The following INSR variants were observed in gnomAD, a reference collection of about 807,000 sequenced individuals.
INSR encodes the protein IR.
INSR carries 67 observed loss-of-function variants against 142.6 expected under a neutral mutation model. The ratio of observed to expected loss-of-function variants is 0.47; its 90% CI spans 0.39 to 0.58. The LOEUF (loss-of-function observed/expected upper bound fraction) is 0.58, where lower values mean the gene tolerates loss of function less well. Among genes scored for constraint, INSR ranks in the 20% least tolerant of loss-of-function variants. The probability of loss-of-function intolerance (pLI) is 0.00; values close to 1 mark genes in which losing one functional copy is unlikely to be tolerated. For missense variants in INSR, 1,248 were observed against 1,833.2 expected (o/e 0.68, Z 5.83); for synonymous variants, 756 against 743.1 (o/e 1.02, Z -0.28).
chr19:7,117,775 T>G (rs1036251377), intron 21 of INSR, among the ~76,000 whole-genome samples: 1 of 151,762 alleles, frequency 6.6e-6, no homozygotes, highest in African/African-American at 2.4e-5. Flanking sequence ...CCTAGCTAAT[T>G]TTTGTATTTT....
At chr19:7,149,751 G>A (rs970943644) in intron 11 of INSR, among the ~76,000 whole-genome samples, 5 of 151,912 alleles carry the variant, frequency 3.3e-5, no homozygotes, top group Non-Finnish European at 7.4e-5. Context: ...GAACCCGGGA[G>A]GTGGAGGTTG....
intron 3 of INSR, among the ~76,000 whole-genome samples, chr19:7,183,669 G>A (rs1974334291): frequency 6.6e-6 from 1 of 152,078 alleles, no homozygotes; most frequent in Admixed American, 6.6e-5. Context: ...CATCAGTGAG[G>A]ACAGGCCACG....
chr19:7,288,997 C>A (rs186622294), intron 1 of INSR, among the ~76,000 whole-genome samples: 21 of 142,856 alleles, frequency 1.5e-4, no homozygotes, highest in African/African-American at 4.7e-4. Flanking sequence ...TTAAAGGAAA[C>A]ACTGACCCTC....
chr19:7,264,005 A>G (rs2145202356), intron 2 of INSR, among the ~76,000 whole-genome samples: 1 of 152,268 alleles, frequency 6.6e-6, no homozygotes, highest in South Asian at 2.1e-4. Flanking sequence ...TCCCATCTCT[A>G]CTAAAAATAC....
intron 2 of INSR, among the ~76,000 whole-genome samples, chr19:7,205,118 G>T (rs895502904): frequency 6.6e-6 from 1 of 152,176 alleles, no homozygotes; most frequent in Non-Finnish European, 1.5e-5. Context: ...AACACCTCCT[G>T]TTGCTTGTCC....
chr19:7,163,948 A>AAAAAAACAAAAT (rs1411048837), intron 8 of INSR, among the ~76,000 whole-genome samples: 1 of 136,032 alleles, frequency 7.4e-6, no homozygotes, highest in Non-Finnish European at 1.5e-5. Flanking sequence ...AAAAAAAAAA[A>AAAAAAACAAAAT]ATTAGCTGGA....
At position 7,126,548 on chromosome 19, in the gene INSR, G is replaced by A. The variant is rs754995439; in HGVS notation, c.3013+36C>T. 9.2e-6 allele frequency: 14 copies of A among 1,525,426 alleles called. No individual in the cohort carries two copies. The South Asian group carries it at 1.4e-4, about 16-fold the overall frequency. The allele number at this position is 1,525,426 out of a possible 1,614,324, so 94.5% of individuals were successfully genotyped here. The stretch of plus-strand genomic sequence containing the variant: ...GAAGGCAAAGGAAGCTGATGAGTAG[G>A]GTTCTGGCCACCCACAGGGAAGGGA... On this transcript the variant is annotated intron_variant, in intron 16 of 21. Transcript: ENST00000302850.
chr19:7,161,405 G>A (rs546455243), intron 9 of INSR, among the ~76,000 whole-genome samples: 2 of 151,940 alleles, frequency 1.3e-5, no homozygotes, highest in East Asian at 1.9e-4. Flanking sequence ...GACTACAGGT[G>A]TACACCACCA....
In INSR at chr19:7,143,003, C is replaced by T. The variant is rs148137322; in HGVS notation, c.2355G>A (p.Ser785=). The part of the protein sequence containing the change: ...PTVAAFPNTS[S]TSVPTSPEEH... ...CCTCCGGACTCGTGGGCACGCTGGT[C>T]GAGGAAGTGTTGGGGAAAGCTGCCA... Residue 785 remains serine (S), a synonymous_variant, in exon 12 of 22, where the codon TCG becomes TCA. Coordinates refer to ENST00000302850, the MANE Select transcript of INSR (RefSeq NM_000208.4). 5.2e-4 allele frequency: 840 copies of T among 1,614,182 alleles called. 4 individuals carry two copies. In the African/African-American group the frequency reaches 8.5e-3, roughly 16 times the overall value.
intron 2 of INSR, among the ~76,000 whole-genome samples, chr19:7,241,440 T>A (rs766925493): frequency 4.1e-4 from 62 of 152,032 alleles, no homozygotes; most frequent in Non-Finnish European, 8.5e-4. Context: ...CCTGCCAACA[T>A]GGTGAAACCC....
intron 18 of INSR, 33 bp downstream of exon 18, chr19:7,122,846 G>T (rs2288405): frequency 6.2e-7 from 1 of 1,610,800 alleles, no homozygotes; most frequent in African/African-American, 1.3e-5. Context: ...GTGCTCCACC[G>T]AGTACCCCGC....
At position 7,117,034 on chromosome 19, in the gene INSR, G is replaced by A. The variant is rs202214478; in HGVS notation, c.*22C>T. The A allele has an allele frequency of 7.5e-5, 116 of 1,540,726 alleles. No homozygotes were observed. The highest frequency in any genetic ancestry group is 5.8e-4 in the African/African-American group (42 of 72,614). On this transcript the variant is annotated 3_prime_UTR_variant, in exon 22 of 22. Coordinates refer to ENST00000302850, the MANE Select transcript of INSR (RefSeq NM_000208.4). ...AAAGCGAAAATGGGAACCCCTGCCC[G>A]CCCCCGCCACGGTAGGCACTGTTAG...
In INSR at chr19:7,119,683, A is replaced by AACACACATGCCAAC; in HGVS notation, c.3660-114_3660-101dup. The AACACACATGCCAAC allele has an allele frequency of 7.6e-7, 1 of 1,317,298 alleles. No homozygotes were observed. The highest frequency in any genetic ancestry group is 1.1e-6 in the Non-Finnish European group (1 of 928,412). 81.6% of individuals were successfully genotyped at this position (1,317,298 alleles called of 1,614,324 possible). On this transcript the variant is annotated intron_variant, in intron 20 of 21. Coordinates refer to ENST00000302850, the MANE Select transcript of INSR (RefSeq NM_000208.4). This position sits in a 1 kb window ranked among gnomAD's most constrained non-coding sequence, Gnocchi z 5.2. ...ACACGCAAACGCACACACACACGCA[A>AACACACATGCCAAC]ACACACATGCCAACACATACATGCA...
chr19:7,157,776 A>G (rs548888345), intron 9 of INSR, among the ~76,000 whole-genome samples: 48 of 151,856 alleles, frequency 3.2e-4, no homozygotes, highest in African/African-American at 1.1e-3. Flanking sequence ...TGAGCAAAGG[A>G]AATTCCATTT....
chr19:7,197,899 TGGTC>T (rs1204488480), intron 2 of INSR, among the ~76,000 whole-genome samples: 1 of 134,752 alleles, frequency 7.4e-6, no homozygotes, highest in African/African-American at 3.0e-5. Context: ...GCCCCAGGAT[TGGTC>T]GGTTCCAGAG....
In INSR at chr19:7,166,471, G is replaced by A. The variant is rs1178071756; in HGVS notation, c.1611-67C>T. On this transcript the variant is annotated intron_variant, in intron 7 of 21. Coordinates refer to ENST00000302850, the MANE Select transcript of INSR (RefSeq NM_000208.4). The surrounding 1 kb of genome is among the most constrained non-coding windows in gnomAD (Gnocchi z 4.1). Reference sequence around the variant, plus strand: ...CCGTCACACTGAGTGCCGTGCAGATGAGGCCTGGGAAGTTACATCCCATAG... The same window carrying A: ...CCGTCACACTGAGTGCCGTGCAGATAAGGCCTGGGAAGTTACATCCCATAG... 6 of 1,569,722 alleles carry A rather than the reference G, an allele frequency of 3.8e-6. No homozygotes were observed. In the East Asian group the frequency reaches 1.1e-4, roughly 30 times the overall value.
chr19:7,286,188 AC>A (rs1248325294), intron 1 of INSR, among the ~76,000 whole-genome samples: 1 of 151,632 alleles, frequency 6.6e-6, no homozygotes, highest in Non-Finnish European at 1.5e-5. Context: ...TTGCTATGTT[AC>A]CCAGGCTGGT....
intron 2 of INSR, among the ~76,000 whole-genome samples, chr19:7,190,968 A>G (rs966318050): frequency 3.3e-5 from 5 of 152,172 alleles, no homozygotes; most frequent in African/African-American, 1.2e-4. Context: ...GTACCCCATA[A>G]ATATGTAACA....
intron 2 of INSR, among the ~76,000 whole-genome samples, chr19:7,224,925 TG>T (rs1975733747): frequency 2.9e-5 from 1 of 34,720 alleles, no homozygotes; most frequent in Non-Finnish European, 6.1e-5. Flanking sequence ...GCATCAGAGG[TG>T]GGGGTGGGGG....
Sources: allele counts gnomAD v4.1 joint callset (sites outside exome capture counted in the v4.1 genomes callset), GRCh38; gene constraint gnomAD v4.1.1; non-coding constraint Gnocchi (gnomAD v3.1); transcripts MANE v1.5; gene names NCBI Gene and HGNC (gene_info 2026-07-23, HGNC 2026-07-21).